Variants in AMMECR1 observed in about 807,000 individuals in gnomAD.
The protein encoded by AMMECR1 is nuclear protein AMMECR1.
Under a neutral mutation model 22.5 loss-of-function variants are expected in AMMECR1, and 3 were observed. That is an observed-to-expected ratio of 0.13 (90% CI 0.06 to 0.35). AMMECR1 has a LOEUF of 0.35. Ranked by LOEUF, AMMECR1 falls within the 10% of genes least tolerant of loss-of-function variation. The pLI is 1.00. For synonymous variants in AMMECR1, 130 were observed against 116.7 expected, an observed-to-expected ratio of 1.11 and a Z score of -0.74; for missense variants, 235 against 278.7, an observed-to-expected ratio of 0.84 and a Z score of 1.12.
chrX:110,417,186 G>A (rs747498862), intron 2 of AMMECR1, among the ~76,000 whole-genome samples: 1 of 112,022 alleles, frequency 8.9e-6, no homozygotes, highest in East Asian at 2.8e-4. Context: ...CTCTCGGCAG[G>A]CACTGCCTCA....
intron 1 of AMMECR1, among the ~76,000 whole-genome samples, chrX:110,305,875 C>T (rs1353334197): frequency 1.8e-5 from 2 of 110,069 alleles, no homozygotes; most frequent in Non-Finnish European, 3.8e-5. Context: ...CACAGCAACT[C>T]GGGAGGTTGA....
chrX:110,258,748 T>C (rs2067723298), intron 2 of AMMECR1, among the ~76,000 whole-genome samples: 1 of 111,714 alleles, frequency 9.0e-6, no homozygotes, highest in Non-Finnish European at 1.9e-5. Context: ...ATAACAATAA[T>C]GTACAGTCAG....
intron 1 of AMMECR1, among the ~76,000 whole-genome samples, chrX:110,430,052 T>C (rs2068785735): frequency 8.9e-6 from 1 of 112,208 alleles, no homozygotes; most frequent in African/African-American, 3.2e-5. Flanking sequence ...GATTTGTGTT[T>C]GGTTCTTCCA....
chrX:110,393,839 C>T (rs1005051032), intron 2 of AMMECR1, among the ~76,000 whole-genome samples: 11 of 112,489 alleles, frequency 9.8e-5, no homozygotes, highest in Admixed American at 7.5e-4. Flanking sequence ...GGATGGGCTC[C>T]GGCCACCTGT....
intron 1 of AMMECR1, among the ~76,000 whole-genome samples, chrX:110,427,580 G>A (rs1019531342): frequency 1.8e-5 from 2 of 111,789 alleles, no homozygotes; most frequent in African/African-American, 6.5e-5. Flanking sequence ...AAGTTCTAAT[G>A]CCTCTCCTGC....
intron 2 of AMMECR1, among the ~76,000 whole-genome samples, chrX:110,421,376 G>C (rs189450657): frequency 8.9e-6 from 1 of 112,463 alleles, no homozygotes; most frequent in East Asian, 2.8e-4. Context: ...TCAGAGCCAA[G>C]GACAATTTTG....
chrX:110,280,990 T>C (rs1295425144), intron 1 of AMMECR1, among the ~76,000 whole-genome samples: 2 of 112,243 alleles, frequency 1.8e-5, no homozygotes, highest in Non-Finnish European at 1.9e-5. Flanking sequence ...AACATTTTTA[T>C]AGCTCTTGAT....
At chrX:110,216,176 C>A (rs902162479) in intron 3 of AMMECR1, among the ~76,000 whole-genome samples, 1 of 111,478 alleles carries the variant, frequency 9.0e-6, no homozygotes, top group Non-Finnish European at 1.9e-5. Context: ...TACTTAGTGG[C>A]GGTTATACCA....
intron 1 of AMMECR1, among the ~76,000 whole-genome samples, chrX:110,311,267 C>A (rs2068022073): frequency 8.9e-6 from 1 of 111,956 alleles, no homozygotes; most frequent in Non-Finnish European, 1.9e-5. Flanking sequence ...TCCAGTTATT[C>A]CCTCCCTATA....
intron 2 of AMMECR1, among the ~76,000 whole-genome samples, chrX:110,217,690 T>C (rs764167851): frequency 1.8e-5 from 2 of 111,638 alleles, no homozygotes; most frequent in South Asian, 7.4e-4. Context: ...TAGAAATATT[T>C]TCATGGATTT....
chrX:110,319,041 G>A (rs188132782), upstream of AMMECR1, among the ~76,000 whole-genome samples: 51 of 111,831 alleles, frequency 4.6e-4, no homozygotes, highest in African/African-American at 1.7e-3. Flanking sequence ...AGATAAATAG[G>A]GAAGGTAATG....
intron 2 of AMMECR1, among the ~76,000 whole-genome samples, chrX:110,254,907 G>A (rs2067703093): frequency 8.9e-6 from 1 of 111,784 alleles, no homozygotes; most frequent in Admixed American, 9.5e-5. Context: ...GAGCACACCT[G>A]GAGCTATATT....
At chrX:110,282,309 G>A (rs1409955841) in intron 1 of AMMECR1, among the ~76,000 whole-genome samples, 3 of 110,464 alleles carry the variant, frequency 2.7e-5, no homozygotes, top group African/African-American at 9.9e-5. Flanking sequence ...TGCTGGAATA[G>A]GGCAGGGAAA....
At position 110,359,219 on chromosome X, in the gene AMMECR1, T is replaced by C. The variant is rs113359472; in HGVS notation, c.-147-41370A>G. Among the ~76,000 whole-genome samples the C allele has an allele frequency of 8.1e-3, 896 of 111,102 alleles. 10 individuals carry two copies. The highest frequency in any genetic ancestry group is 0.028 in the African/African-American group (861 of 30,548). On this transcript the variant is annotated intron_variant, in intron 2 of 7. Transcript: ENST00000372057. ...TTCGCAACAGAAACTTGATTTTTCT[T>C]TCTTCTGTGTTTATCATCCTTTCTC...
intron 2 of AMMECR1, among the ~76,000 whole-genome samples, chrX:110,419,629 A>G (rs751666299): frequency 2.7e-5 from 3 of 112,442 alleles, no homozygotes; most frequent in Non-Finnish European, 5.6e-5. Context: ...GTAGGCTGAC[A>G]TAAGCAAAAC....
chrX:110,240,410 G>T (rs1333296463), intron 2 of AMMECR1, among the ~76,000 whole-genome samples: 2 of 90,926 alleles, frequency 2.2e-5, no homozygotes, highest in Non-Finnish European at 4.3e-5. Context: ...AAACGGGGGG[G>T]GGAGGGTTTG....
chrX:110,437,895 G>T (rs1391757149), intron 1 of AMMECR1, among the ~76,000 whole-genome samples: 1 of 111,279 alleles, frequency 9.0e-6, no homozygotes, highest in Non-Finnish European at 1.9e-5. Flanking sequence ...TCAGCCTGAG[G>T]GTACCTTTGC....
At chrX:110,245,852 T>C (rs1412203485) in intron 2 of AMMECR1, among the ~76,000 whole-genome samples, 1 of 111,306 alleles carries the variant, frequency 9.0e-6, no homozygotes, top group African/African-American at 3.3e-5. Context: ...CACTAAACCT[T>C]TGTAGGACCA....
At chrX:110,312,498 A>G (rs2068028053) in intron 1 of AMMECR1, among the ~76,000 whole-genome samples, 1 of 112,461 alleles carries the variant, frequency 8.9e-6, no homozygotes, top group Non-Finnish European at 1.9e-5. Flanking sequence ...TAGCACAAAC[A>G]TAATTCATAA....
Sources: allele counts gnomAD v4.1 joint callset (sites outside exome capture counted in the v4.1 genomes callset), GRCh38; gene constraint gnomAD v4.1.1; transcripts MANE v1.5; gene names NCBI Gene and HGNC (gene_info 2026-07-23, HGNC 2026-07-21).